ERBIN: variants seen among roughly 807,000 people sequenced by gnomAD.
ERBIN encodes the protein densin-180-like protein.
A neutral mutation model predicts 158.4 loss-of-function variants in ERBIN; 60 were observed. The observed-to-expected ratio is 0.38, with a 90% CI of 0.31 to 0.47. The LOEUF (loss-of-function observed/expected upper bound fraction) is 0.47. Among genes scored for constraint, ERBIN ranks in the 20% least tolerant of loss-of-function variants. The pLI is 0.99. For missense variants in ERBIN, 1,610 were observed against 1,648.0 expected, an observed-to-expected ratio of 0.98 and a Z score of 0.40; for synonymous variants, 594 against 557.2, an observed-to-expected ratio of 1.07 and a Z score of -0.93.
At chr5:66,063,762 A>G (rs1760707826) in intron 21 of ERBIN, among the ~76,000 whole-genome samples, 2 of 152,226 alleles carry the variant, frequency 1.3e-5, no homozygotes. Context: ...TGTTTTAAAT[A>G]CCTATTTATC....
intron 2 of ERBIN, among the ~76,000 whole-genome samples, chr5:65,991,995 T>TA (rs1430899385): frequency 6.6e-6 from 1 of 152,148 alleles, no homozygotes; most frequent in Non-Finnish European, 1.5e-5. Flanking sequence ...GACCTGAAAA[T>TA]ATCTTCGCAT....
chr5:65,991,382 G>C (rs1751849888), intron 2 of ERBIN, among the ~76,000 whole-genome samples: 1 of 152,058 alleles, frequency 6.6e-6, no homozygotes, highest in Non-Finnish European at 1.5e-5. Flanking sequence ...ACCTAGTCTT[G>C]GTTCTGGTTA....
At chr5:66,049,221 T>A (rs1758777660) in intron 19 of ERBIN, among the ~76,000 whole-genome samples, 1 of 152,092 alleles carries the variant, frequency 6.6e-6, no homozygotes, top group Admixed American at 6.5e-5. Context: ...AAAACATTTT[T>A]TTACACTCCG....
chr5:66,019,114 G>T (rs1755409936), intron 7 of ERBIN, among the ~76,000 whole-genome samples: 1 of 151,920 alleles, frequency 6.6e-6, no homozygotes, highest in Non-Finnish European at 1.5e-5. Context: ...GATTTTTCTA[G>T]GTATAAGATA....
rs1286388126 is a variant in ERBIN at position 66,018,506 on chromosome 5, T to TATATAA, written c.534-2816_534-2815insATATAA. On this transcript the variant is annotated intron_variant, in intron 7 of 25. Coordinates refer to ENST00000284037, the MANE Select transcript of ERBIN (RefSeq NM_001253697.2). ...TATATATTATATTATATAATATATA[T>TATATAA]TATATATTATATAATATATATTATA... Among the ~76,000 whole-genome samples the TATATAA allele has an allele frequency of 1.3e-3, 7 of 5,594 alleles. 1 individual carries two copies. Among genetic ancestry groups the TATATAA allele is most frequent in the Non-Finnish European group, 2.5e-3 (7 of 2,794 alleles). The allele number at this position is 5,594 out of a possible 152,430, so 3.7% of individuals were successfully genotyped here. A position where few individuals can be genotyped will look rare whatever the true frequency, so the allele number is the denominator to read the frequency against.
intron 7 of ERBIN, among the ~76,000 whole-genome samples, chr5:66,020,264 T>C (rs1022399453): frequency 6.6e-6 from 1 of 152,090 alleles, no homozygotes; most frequent in Non-Finnish European, 1.5e-5. Context: ...GTGTTTGTTT[T>C]TATATTTTTG....
At chr5:65,992,685 A>G (rs1449587255) in intron 2 of ERBIN, 25 bp from the exon 3 acceptor site, 1 of 1,529,854 alleles carries the variant, frequency 6.5e-7, no homozygotes, top group South Asian at 1.2e-5. Context: ...TATGTTTTAA[A>G]TTTCTTTTTA....
At chr5:66,030,586 G>A (rs976220544) in intron 14 of ERBIN, among the ~76,000 whole-genome samples, 1 of 144,608 alleles carries the variant, frequency 6.9e-6, no homozygotes, top group Non-Finnish European at 1.5e-5. Context: ...TTTTTGCGGC[G>A]GGGTCTTACT....
chr5:66,005,051 A>G (rs1416205933), intron 4 of ERBIN, among the ~76,000 whole-genome samples: 2 of 152,142 alleles, frequency 1.3e-5, no homozygotes, highest in Admixed American at 6.5e-5. Flanking sequence ...AATTCAGAGC[A>G]TGATGTGACT....
intron 7 of ERBIN, among the ~76,000 whole-genome samples, chr5:66,015,714 A>G (rs77159603): frequency 0.058 from 8,765 of 152,166 alleles, 886 homozygotes; most frequent in African/African-American, 0.2. Context: ...GCATGTAACT[A>G]TAGTCCCAGC....
intron 1 of ERBIN, among the ~76,000 whole-genome samples, chr5:65,977,249 A>ACC (rs1257279058): frequency 9.0e-6 from 1 of 110,840 alleles, no homozygotes; most frequent in Non-Finnish European, 1.8e-5. Context: ...CGGGGGGCTG[A>ACC]CCCCCCCACC....
chr5:66,016,637 G>A (rs1375216348), intron 7 of ERBIN, among the ~76,000 whole-genome samples: 10 of 144,042 alleles, frequency 6.9e-5, no homozygotes, highest in East Asian at 6.0e-4. Context: ...TTTTTGAGAC[G>A]GAGTCTCTCT....
At chr5:66,062,039 G>A (rs910946811) in intron 21 of ERBIN, among the ~76,000 whole-genome samples, 8 of 152,042 alleles carry the variant, frequency 5.3e-5, no homozygotes, top group Non-Finnish European at 8.8e-5. Context: ...TGCTCTTCTC[G>A]AGGAGTATCT....
chr5:66,025,918 C>T lies in ERBIN; in HGVS notation c.961C>T (p.Leu321Phe), dbSNP rs866589564. 1 of 1,594,308 alleles carries T rather than the reference C, an allele frequency of 6.3e-7. No individual in the cohort carries two copies. Among genetic ancestry groups the T allele is most frequent in the East Asian group, 2.3e-5 (1 of 43,540 alleles). The change falls in exon 12 of 26, where the codon CTT becomes TTT. Residue 321 changes from leucine (L) to phenylalanine (F), a missense_variant. Coordinates refer to ENST00000284037, the MANE Select transcript of ERBIN (RefSeq NM_001253697.2). Reference protein sequence around the residue: ...VEALPSSIGQLTNLRTFAADH... With the variant: ...VEALPSSIGQFTNLRTFAADH... ...AGCTTTGCCTTCATCTATTGGGCAG[C>T]TTACTAACTTAAGAACTTTTGCTGC...
intron 14 of ERBIN, among the ~76,000 whole-genome samples, chr5:66,032,110 T>C (rs965934708): frequency 2.6e-5 from 4 of 152,134 alleles, no homozygotes; most frequent in African/African-American, 9.7e-5. Context: ...ATTCCATAAC[T>C]CTACAAGCAG....
In ERBIN at chr5:66,021,380, G is replaced by A. The variant is rs1217388829; in HGVS notation, c.592G>A (p.Glu198Lys). 1.2e-5 allele frequency: 19 copies of A among 1,598,856 alleles called. No homozygotes were observed. Among genetic ancestry groups the A allele is most frequent in the Non-Finnish European group, 1.5e-5 (17 of 1,169,270 alleles). The change falls in exon 8 of 26, where the codon GAA becomes AAA. Residue 198 changes from glutamate (E) to lysine (K), a missense_variant. By Grantham distance (56) the Glu-to-Lys change is moderately conservative. Transcript: ENST00000284037. ...RLDLGSNEFT[E>K]VPEVLEQLSG... ...GGATTTGGGAAGTAACGAATTCACG[G>A]AAGTGGTAAGTTCTCATCAGTCTCA...
intron 1 of ERBIN, among the ~76,000 whole-genome samples, chr5:65,946,880 C>T (rs1429845235): frequency 6.6e-6 from 1 of 150,952 alleles, no homozygotes; most frequent in African/African-American, 2.4e-5. Flanking sequence ...TTCCTAATGG[C>T]TAATATGTGG....
intron 4 of ERBIN, among the ~76,000 whole-genome samples, chr5:66,005,190 C>T (rs749587740): frequency 6.6e-6 from 1 of 152,058 alleles, no homozygotes. Context: ...GAGATGAGGA[C>T]AGCCCCTGGA....
At chr5:66,040,158 C>A (rs1757788704) in intron 15 of ERBIN, among the ~76,000 whole-genome samples, 1 of 151,828 alleles carries the variant, frequency 6.6e-6, no homozygotes, top group African/African-American at 2.4e-5. Flanking sequence ...AATAATCCTC[C>A]AAAATAGATG....
Sources: allele counts gnomAD v4.1 joint callset (sites outside exome capture counted in the v4.1 genomes callset), GRCh38; gene constraint gnomAD v4.1.1; transcripts MANE v1.5; gene names NCBI Gene and HGNC (gene_info 2026-07-23, HGNC 2026-07-21).